CCNL1: variants seen among roughly 807,000 people sequenced by gnomAD.
The protein encoded by CCNL1 is cyclin L1.
In CCNL1, 13 loss-of-function variants were observed where a neutral mutation model predicts 60.6. That is an observed-to-expected ratio of 0.21 (90% CI 0.14 to 0.34). The LOEUF (loss-of-function observed/expected upper bound fraction) is 0.34. Among genes scored for constraint, CCNL1 ranks in the 10% least tolerant of loss-of-function variants. The probability of loss-of-function intolerance (pLI) is 1.00; values close to 1 mark genes in which losing one functional copy is unlikely to be tolerated. For synonymous variants in CCNL1, 270 were observed against 244.3 expected (o/e 1.10, Z -0.98); for missense variants, 481 against 664.3 (o/e 0.72, Z 3.03).
Position 157,154,933 on chromosome 3 carries a change from T to TAC in CCNL1, c.489-1778_489-1777insGT, listed in dbSNP as rs1553850934. ...AACAACCTATCTCTCTCTCCATATA[T>TAC]ATACATACATACATACATACATACA... On this transcript the variant is annotated intron_variant, in intron 3 of 10. Transcript: ENST00000295926. 1.1e-4 allele frequency among the ~76,000 whole-genome samples: 16 copies of TAC among 147,886 alleles called. No homozygotes were observed. The East Asian group carries it at 2.2e-3, about 20-fold the overall frequency.
downstream of CCNL1, among the ~76,000 whole-genome samples, chr3:157,144,803 G>C (rs1737733629): frequency 6.6e-6 from 1 of 152,188 alleles, no homozygotes; most frequent in East Asian, 1.9e-4. Flanking sequence ...TGTAAATTTT[G>C]AAACTTATCT....
chr3:157,145,472 G>C (rs555439771), downstream of CCNL1, among the ~76,000 whole-genome samples: 43 of 110,890 alleles, frequency 3.9e-4, no homozygotes, highest in South Asian at 0.011. Context: ...AAACCAAAAC[G>C]GGATTTAATT....
intron 3 of CCNL1, chr3:157,158,585 C>G (rs540540703): frequency 8.1e-6 from 2 of 245,542 alleles, no homozygotes; most frequent in African/African-American, 2.3e-5. Context: ...CAAATGTACT[C>G]CCTTTCTTGT....
Position 157,152,231 on chromosome 3 carries a change from A to G in CCNL1, c.620T>C (p.Met207Thr), listed in dbSNP as rs1480960000. The G allele has an allele frequency of 1.2e-6, 2 of 1,611,422 alleles. No individual in the cohort carries two copies. The highest frequency in any genetic ancestry group is 1.7e-5 in the Admixed American group (1 of 59,436). ...TTCACATTCTAAGACTTGTAAATAC[A>G]TAACAATGATCTGAAGGACAAGGGA... ...HVKHPHKIIVMYLQVLECERN... is the reference protein window; with the variant it reads ...HVKHPHKIIVTYLQVLECERN... Residue 207 changes from methionine to threonine, a missense_variant, in exon 5 of 11, where the codon ATG (methionine) becomes ACG (threonine). Met to Thr is a moderately conservative substitution (Grantham distance 81). Transcript: ENST00000295926.
chr3:157,145,437 C>CAAAAAAAAAAAAAAAAAAAAAAAAAA (rs56894231), downstream of CCNL1, among the ~76,000 whole-genome samples: 5 of 24,268 alleles, frequency 2.1e-4, no homozygotes, highest in Non-Finnish European at 3.8e-4. Flanking sequence ...GACTTCATCT[C>CAAAAAAAAAAAAAAAAAAAAAAAAAA]AAAAAAAAAA....
intron 3 of CCNL1, among the ~76,000 whole-genome samples, chr3:157,156,357 A>G (rs1560201004): frequency 6.6e-6 from 1 of 152,202 alleles, no homozygotes; most frequent in Non-Finnish European, 1.5e-5. Flanking sequence ...ATTCTTACCT[A>G]TCCAACTTTT....
At position 157,159,468 on chromosome 3, in the gene CCNL1, T is replaced by C; in HGVS notation, c.315A>G (p.Ala105=). 7.4e-6 allele frequency: 12 copies of C among 1,611,208 alleles called. No individual in the cohort carries two copies. The highest frequency in any genetic ancestry group is 1.1e-5 in the South Asian group (1 of 90,988). Residue 105 remains alanine, a synonymous_variant, in exon 2 of 11, where the codon GCA becomes GCG. Transcript: ENST00000295926. The stretch of plus-strand genomic sequence containing the variant: ...AACGATGAAACAACACCTGCCCCGT[T>C]GCCATCGCCACCTGCAGACAAGAGA... ...ILLRLPQVAM[A]TGQVLFHRFF...
At chr3:157,145,254 G>A (rs1737744463), downstream of CCNL1, among the ~76,000 whole-genome samples, 1 of 151,830 alleles carries the variant, frequency 6.6e-6, no homozygotes, top group Non-Finnish European at 1.5e-5. Context: ...GCTAACATAG[G>A]TGAAACCCCG....
chr3:157,151,378 C>T, intron 5 of CCNL1: 1 of 985,806 alleles, frequency 1.0e-6, no homozygotes, highest in Non-Finnish European at 1.2e-6. Flanking sequence ...GCCAGCACTC[C>T]AAATCACACA....
intron 2 of CCNL1, 91 bp downstream of exon 2, chr3:157,159,314 C>G: frequency 2.5e-6 from 3 of 1,199,100 alleles, no homozygotes; most frequent in Non-Finnish European, 3.7e-6. Context: ...CTAAACCACT[C>G]CCTTTCTGGA....
At chr3:157,155,396 T>G (rs1738535728) in intron 3 of CCNL1, among the ~76,000 whole-genome samples, 1 of 152,208 alleles carries the variant, frequency 6.6e-6, no homozygotes, top group African/African-American at 2.4e-5. Flanking sequence ...AAATCAGACT[T>G]AATGATGCCA....
chr3:157,150,738 C>T, intron 5 of CCNL1: 1 of 1,012,584 alleles, frequency 9.9e-7, no homozygotes. Flanking sequence ...TCCAATAATA[C>T]TTCAAGCCAT....
At chr3:157,145,814 CAG>C (rs1177814512), downstream of CCNL1, among the ~76,000 whole-genome samples, 1 of 152,172 alleles carries the variant, frequency 6.6e-6, no homozygotes, top group African/African-American at 2.4e-5. Flanking sequence ...AGTGACAGCA[CAG>C]AGTTACAATG....
At chr3:157,152,510 A>G (rs1738271121) in intron 4 of CCNL1, 1 of 1,144,042 alleles carries the variant, frequency 8.7e-7, no homozygotes, top group African/African-American at 1.7e-5. Flanking sequence ...TGTGATGGGC[A>G]CCGTGCTAGA....
rs1738065152 is a variant in CCNL1, at chr3:157,150,128, A to G, written c.816T>C (p.Gly272=). The G allele has an allele frequency of 1.9e-6, 3 of 1,613,212 alleles. No individual in the cohort carries two copies. In the East Asian group the frequency reaches 6.7e-5, roughly 36 times the overall value. ...PTRPHWFLLF[G]TTEEEIQEIC... ...TTTCCTGGATTTCCTCTTCTGTAGT[A>G]CCAAAAAGAAGAAACCAATGGGGAC... is the stretch of plus-strand genomic sequence containing the variant. The change falls in exon 7 of 11, where the codon GGT becomes GGC. Residue 272 remains glycine (G), a synonymous_variant. Coordinates refer to ENST00000295926, the MANE Select transcript of CCNL1 (RefSeq NM_020307.4).
At chr3:157,150,000 G>GT in intron 7 of CCNL1, 23 bp from the exon 8 acceptor site, 1 of 1,604,422 alleles carries the variant, frequency 6.2e-7, no homozygotes, top group East Asian at 2.2e-5. Flanking sequence ...AAAAAAGTTA[G>GT]TATTTCTTCC....
intron 4 of CCNL1, 144 bp from the exon 5 acceptor site, chr3:157,152,385 T>C: frequency 1.4e-6 from 2 of 1,389,524 alleles, no homozygotes; most frequent in Non-Finnish European, 1.9e-6. Flanking sequence ...TACATAAGAT[T>C]CTAATGTGAA....
At chr3:157,154,684 A>C (rs1738462243) in intron 3 of CCNL1, 1 of 152,152 alleles carries the variant, frequency 6.6e-6, no homozygotes, top group South Asian at 2.1e-4. Flanking sequence ...CAGAAACTGG[A>C]ATGCTTACTA....
chr3:157,160,104 G>A lies in CCNL1; in HGVS notation c.-10C>T, dbSNP rs549655258. The A allele has an allele frequency of 2.0e-6, 3 of 1,536,886 alleles. No homozygotes were observed. The highest frequency in any genetic ancestry group is 2.4e-5 in the East Asian group (1 of 40,876). The stretch of plus-strand genomic sequence containing the variant: ...GAGGCCCGGACGCCATAGTCTTAGC[G>A]AGCCGCACGCAAGCCCAACGCAGCC... On this transcript the variant is annotated 5_prime_UTR_variant, in exon 1 of 11. Coordinates refer to ENST00000295926, the MANE Select transcript of CCNL1 (RefSeq NM_020307.4).
Sources: allele counts gnomAD v4.1 joint callset (sites outside exome capture counted in the v4.1 genomes callset), GRCh38; gene constraint gnomAD v4.1.1; transcripts MANE v1.5; gene names NCBI Gene and HGNC (gene_info 2026-07-23, HGNC 2026-07-21).